The following CNTNAP5 variants were observed in gnomAD, a reference collection of about 807,000 sequenced individuals.
CNTNAP5 encodes the protein contactin-associated protein-like 5.
A neutral mutation model predicts 150.2 loss-of-function variants in CNTNAP5; 72 were observed. That is an observed-to-expected ratio of 0.48 (90% CI 0.40 to 0.58). The LOEUF is 0.58. Ranked by LOEUF, CNTNAP5 falls within the 20% of genes least tolerant of loss-of-function variation. The pLI, the probability that CNTNAP5 is intolerant of heterozygous loss-of-function variation, is 0.00. For missense variants in CNTNAP5, 1,636 were observed against 1,626.2 expected, an observed-to-expected ratio of 1.01 and a Z score of -0.10; for synonymous variants, 672 against 619.8, an observed-to-expected ratio of 1.08 and a Z score of -1.25.
chr2:124,688,120 C>T (rs1573548504), intron 13 of CNTNAP5, among the ~76,000 whole-genome samples: 1 of 152,028 alleles, frequency 6.6e-6, no homozygotes, highest in Admixed American at 6.6e-5. Context: ...TCCATAAATT[C>T]TCTACTGCAA....
At chr2:124,638,219 TATATATGATA>T (rs1678013305) in intron 12 of CNTNAP5, among the ~76,000 whole-genome samples, 3 of 149,886 alleles carry the variant, frequency 2.0e-5, no homozygotes, top group Non-Finnish European at 4.4e-5. Flanking sequence ...ATATGATACA[TATATATGATA>T]CATATATATG....
intron 3 of CNTNAP5, among the ~76,000 whole-genome samples, chr2:124,410,305 C>T (rs1407260659): frequency 6.6e-6 from 1 of 150,664 alleles, no homozygotes; most frequent in Non-Finnish European, 1.5e-5. Flanking sequence ...CCACTGTCAA[C>T]ATTAGACAGA....
intron 7 of CNTNAP5, 86 bp downstream of exon 7, chr2:124,474,968 C>G (rs1300179379): frequency 1.3e-5 from 15 of 1,159,946 alleles, no homozygotes. Context: ...TGAACCCATT[C>G]GTAATGTGTT....
intron 3 of CNTNAP5, among the ~76,000 whole-genome samples, chr2:124,410,799 C>T (rs554242668): frequency 4.3e-4 from 64 of 149,926 alleles, no homozygotes; most frequent in African/African-American, 1.4e-3. Context: ...AATTGACACC[C>T]TAACATCACA....
intron 13 of CNTNAP5, among the ~76,000 whole-genome samples, chr2:124,660,977 A>T (rs1051870708): frequency 6.6e-6 from 1 of 151,414 alleles, no homozygotes; most frequent in East Asian, 1.9e-4. Flanking sequence ...AAGAAAAAAA[A>T]ATTTACGCTG....
chr2:124,382,430 G>A (rs1690819743), intron 3 of CNTNAP5, among the ~76,000 whole-genome samples: 1 of 152,122 alleles, frequency 6.6e-6, no homozygotes, highest in South Asian at 2.1e-4. Context: ...GTGGGAGAGT[G>A]AATTTTCCTA....
At chr2:124,622,485 C>T (rs539089933) in intron 12 of CNTNAP5, among the ~76,000 whole-genome samples, 8 of 152,064 alleles carry the variant, frequency 5.3e-5, no homozygotes, top group East Asian at 1.9e-4. Context: ...GGTATATAAC[C>T]GGTAACAGGA....
chr2:124,576,631 G>A lies in CNTNAP5; in HGVS notation c.1756+13308G>A, dbSNP rs137963895. 2.8e-3 allele frequency among the ~76,000 whole-genome samples: 431 copies of A among 152,198 alleles called. 2 individuals are homozygous for A. The highest frequency in any genetic ancestry group is 9.7e-3 in the African/African-American group (404 of 41,526). ...TTCTGTATTTGGTTTTGTGTTTAAT[G>A]GCAATGCAGTATGAAAAAGGAATTG... On this transcript the variant is annotated intron_variant, in intron 11 of 23. Transcript: ENST00000682447.
intron 13 of CNTNAP5, among the ~76,000 whole-genome samples, chr2:124,726,885 G>A (rs908481130): frequency 1.3e-5 from 2 of 151,636 alleles, no homozygotes; most frequent in Non-Finnish European, 2.9e-5. Context: ...CTGTGCTTTT[G>A]GGGTCATGCT....
chr2:124,421,775 C>T (rs193018939), intron 4 of CNTNAP5, among the ~76,000 whole-genome samples: 2 of 152,314 alleles, frequency 1.3e-5, no homozygotes, highest in Non-Finnish European at 2.9e-5. Flanking sequence ...AGGGTTGACT[C>T]CTTCTGCCAA....
At chr2:124,269,681 A>C (rs1687694093) in intron 3 of CNTNAP5, among the ~76,000 whole-genome samples, 3 of 152,166 alleles carry the variant, frequency 2.0e-5, no homozygotes, top group East Asian at 3.9e-4. Flanking sequence ...TGACTATAAG[A>C]AGATAAGGCA....
At chr2:124,681,365 G>A (rs1679065829) in intron 13 of CNTNAP5, among the ~76,000 whole-genome samples, 1 of 150,294 alleles carries the variant, frequency 6.7e-6, no homozygotes, top group Non-Finnish European at 1.5e-5. Context: ...ATATTATACA[G>A]ATAATATCTT....
At chr2:124,882,083 C>T (rs770364688) in intron 21 of CNTNAP5, among the ~76,000 whole-genome samples, 8 of 152,012 alleles carry the variant, frequency 5.3e-5, no homozygotes, top group Non-Finnish European at 1.0e-4. Context: ...CACAGCCTGT[C>T]GCCTAAGCCA....
intron 3 of CNTNAP5, among the ~76,000 whole-genome samples, chr2:124,255,567 A>C: frequency 1.1e-5 from 1 of 93,250 alleles, no homozygotes; most frequent in Admixed American, 1.2e-4. Flanking sequence ...AATAAAATAA[A>C]ATAAAATAAA....
At chr2:124,143,894 C>T (rs1478943209) in intron 1 of CNTNAP5, among the ~76,000 whole-genome samples, 3 of 117,858 alleles carry the variant, frequency 2.5e-5, no homozygotes, top group Non-Finnish European at 5.1e-5. Context: ...TAGAAAACCC[C>T]ATCATCTCAG....
At position 124,874,959 on chromosome 2, in the gene CNTNAP5, CA is replaced by C. The variant is rs959794063; in HGVS notation, c.3436+5205del. 4.0e-5 allele frequency among the ~76,000 whole-genome samples: 6 copies of C among 151,512 alleles called. No individual in the cohort carries two copies. The East Asian group carries it at 5.8e-4, about 15-fold the overall frequency. ...TCTAGATTTCAATATTTACTTGCCT[CA>C]AAAAAAATACAGAAATTGAAAGAAT... is the stretch of plus-strand genomic sequence containing the variant. On this transcript the variant is annotated intron_variant, in intron 21 of 23. Coordinates refer to ENST00000682447, the MANE Select transcript of CNTNAP5 (RefSeq NM_001367498.1).
chr2:124,857,192 A>G (rs1175839422), intron 19 of CNTNAP5, among the ~76,000 whole-genome samples: 1 of 152,126 alleles, frequency 6.6e-6, no homozygotes, highest in Non-Finnish European at 1.5e-5. Flanking sequence ...CAACTCGTGC[A>G]GCTCTACATT....
At chr2:124,713,243 C>CTTTCTCTT (rs1280851827) in intron 13 of CNTNAP5, among the ~76,000 whole-genome samples, 1 of 65,162 alleles carries the variant, frequency 1.5e-5, no homozygotes, top group Non-Finnish European at 3.2e-5. Flanking sequence ...TTCTTTCTTT[C>CTTTCTCTT]TCTTTCTTTC....
At chr2:124,623,609 T>C (rs1298936772) in intron 12 of CNTNAP5, among the ~76,000 whole-genome samples, 1 of 152,204 alleles carries the variant, frequency 6.6e-6, no homozygotes, top group Non-Finnish European at 1.5e-5. Context: ...TTGAATGAGT[T>C]AACATGTAAA....
Sources: gnomAD v4.1 joint callset for allele counts (sites outside exome capture counted in the v4.1 genomes callset) on GRCh38, gnomAD v4.1.1 for gene constraint, MANE v1.5 for transcripts, NCBI Gene and HGNC (gene_info 2026-07-23, HGNC 2026-07-21) for gene names.